The following CCDC62 variants were observed in gnomAD, a reference collection of about 807,000 sequenced individuals.
CCDC62 encodes the protein coiled-coil domain-containing protein 62.
A neutral mutation model predicts 80.8 loss-of-function variants in CCDC62; 72 were observed. The observed-to-expected ratio is 0.89, with a 90% CI of 0.74 to 1.08. The LOEUF (loss-of-function observed/expected upper bound fraction) is 1.08. Ranked by LOEUF, CCDC62 falls within the 50% of genes least tolerant of loss-of-function variation. The pLI, the probability that CCDC62 is intolerant of heterozygous loss-of-function variation, is 0.00. For missense variants in CCDC62, 704 were observed against 809.4 expected (o/e 0.87, Z 1.58); for synonymous variants, 286 against 296.5 (o/e 0.96, Z 0.36).
intron 6 of CCDC62, among the ~76,000 whole-genome samples, chr12:122,795,599 AT>A (rs756854756): frequency 3.6e-4 from 55 of 151,656 alleles, no homozygotes; most frequent in Non-Finnish European, 4.7e-4. Context: ...AATTTTTTGT[AT>A]TTTTTAGTAG....
chr12:122,787,968 G>A (rs1261627032), intron 4 of CCDC62, among the ~76,000 whole-genome samples: 1 of 152,078 alleles, frequency 6.6e-6, no homozygotes, highest in Admixed American at 6.6e-5. Context: ...CTACTGACCT[G>A]GTCACAAAGT....
intron 8 of CCDC62, among the ~76,000 whole-genome samples, chr12:122,799,084 A>G (rs1046960707): frequency 1.3e-5 from 2 of 152,284 alleles, no homozygotes; most frequent in East Asian, 3.9e-4. Flanking sequence ...CGTATGAAAA[A>G]TAAATAAATA....
chr12:122,777,610 G>A lies in CCDC62; in HGVS notation c.156G>A (p.Gln52=), dbSNP rs762172659. ...KELNDMVAVH[Q]QQLLSWEEDR... ...TCAATGACATGGTTGCAGTGCACCA[G>A]CAACAGCTTCTTTCATGGGAAGAGG... Residue 52 remains glutamine, a synonymous_variant, in exon 2 of 13, where the codon CAG becomes CAA. Transcript: ENST00000253079. The A allele has an allele frequency of 2.4e-5, 39 of 1,614,176 alleles. No individual in the cohort carries two copies. The East Asian group carries it at 6.5e-4, about 27-fold the overall frequency.
At chr12:122,825,647 C>T (rs1412261737) in intron 12 of CCDC62, among the ~76,000 whole-genome samples, 5 of 150,078 alleles carry the variant, frequency 3.3e-5, no homozygotes, top group East Asian at 2.0e-4. Flanking sequence ...TGGCCCCCCA[C>T]GCCTAGCCAA....
At position 122,797,307 on chromosome 12, in the gene CCDC62, T is replaced by TAG; in HGVS notation, c.781_782dup (p.Lys264GlyfsTer23). The TAG allele has an allele frequency of 1.3e-6, 2 of 1,484,148 alleles. No homozygotes were observed. Among genetic ancestry groups the TAG allele is most frequent in the Non-Finnish European group, 1.9e-6 (2 of 1,062,352 alleles). The allele number at this position is 1,484,148 out of a possible 1,614,324, so 91.9% of individuals were successfully genotyped here. A position where few individuals can be genotyped will look rare whatever the true frequency, so the allele number is the denominator to read the frequency against. ...GTTAATAATACTTGTTCTTAAATAG[T>TAG]AGAGAGAGAAAAGAGGAAAGATGAA... On this transcript the variant is annotated frameshift_variant and splice_region_variant, in exon 7 of 13. Transcript: ENST00000253079. LOFTEE classifies it high-confidence loss of function.
intron 11 of CCDC62, among the ~76,000 whole-genome samples, chr12:122,818,452 CAAA>C (rs138729013): frequency 2.6e-4 from 16 of 61,976 alleles, no homozygotes; most frequent in African/African-American, 3.6e-4. Context: ...GACTCTGTCT[CAAA>C]AAAAAAAAAA....
chr12:122,820,595 G>A (rs925075474), intron 11 of CCDC62, among the ~76,000 whole-genome samples: 1 of 152,126 alleles, frequency 6.6e-6, no homozygotes, highest in Admixed American at 6.6e-5. Context: ...TGTAATCCCA[G>A]CACTTTGGGA....
At chr12:122,783,428 G>A (rs965825888) in intron 3 of CCDC62, among the ~76,000 whole-genome samples, 10 of 151,654 alleles carry the variant, frequency 6.6e-5, no homozygotes, top group African/African-American at 7.3e-5. Context: ...GGGTTTCACC[G>A]TGTTAGCCAG....
chr12:122,826,595 G>A lies in CCDC62; in HGVS notation c.*214G>A. Reference sequence around the variant, plus strand: ...CTTCATTTTCAAGTTAACCATTTTTGTGCTGAAGAAATATTTTCATGTGTA... The same window carrying A: ...CTTCATTTTCAAGTTAACCATTTTTATGCTGAAGAAATATTTTCATGTGTA... On this transcript the variant is annotated 3_prime_UTR_variant, in exon 13 of 13. Coordinates refer to ENST00000253079, the MANE Select transcript of CCDC62 (RefSeq NM_201435.5). 1 of 586,140 alleles carries A rather than the reference G, an allele frequency of 1.7e-6. No individual in the cohort carries two copies. Among genetic ancestry groups the A allele is most frequent in the Non-Finnish European group, 3.1e-6 (1 of 326,740 alleles). 36.3% of individuals were successfully genotyped at this position (586,140 alleles called of 1,614,324 possible). A position where few individuals can be genotyped will look rare whatever the true frequency, so the allele number is the denominator to read the frequency against.
rs1484242431 is a variant in CCDC62, at chr12:122,813,862, G to T, written c.2001+443G>T. Among the ~76,000 whole-genome samples, 4 of 151,886 alleles carry T rather than the reference G, an allele frequency of 2.6e-5. No homozygotes were observed. The East Asian group carries it at 7.8e-4, about 30-fold the overall frequency. Reference sequence around the variant, plus strand: ...AGTAGAGACAGGGTTTCACCATGTTGGCCAGGCTGGTCTCAAACTCCTGAT... The same window carrying T: ...AGTAGAGACAGGGTTTCACCATGTTTGCCAGGCTGGTCTCAAACTCCTGAT... On this transcript the variant is annotated intron_variant, in intron 11 of 12. Coordinates refer to ENST00000253079, the MANE Select transcript of CCDC62 (RefSeq NM_201435.5).
chr12:122,780,185 C>T (rs942424072), intron 2 of CCDC62, among the ~76,000 whole-genome samples: 33 of 151,052 alleles, frequency 2.2e-4, no homozygotes, highest in African/African-American at 8.0e-4. Context: ...GTGGTGCTCG[C>T]CCGTAATCCC....
chr12:122,782,161 C>T (rs1411551644), intron 3 of CCDC62, among the ~76,000 whole-genome samples: 1 of 152,106 alleles, frequency 6.6e-6, no homozygotes, highest in African/African-American at 2.4e-5. Flanking sequence ...ATAGTGAGAC[C>T]TCATCTCAAC....
At chr12:122,804,678 A>T (rs1374676223) in intron 9 of CCDC62, among the ~76,000 whole-genome samples, 1 of 152,086 alleles carries the variant, frequency 6.6e-6, no homozygotes, top group African/African-American at 2.4e-5. Flanking sequence ...TCACAAACTG[A>T]AAACCTAAAA....
intron 8 of CCDC62, among the ~76,000 whole-genome samples, chr12:122,798,864 G>A (rs975696228): frequency 4.6e-5 from 7 of 152,040 alleles, no homozygotes; most frequent in Non-Finnish European, 1.0e-4. Flanking sequence ...TGGATCACGA[G>A]GTCAGGAGAT....
intron 10 of CCDC62, among the ~76,000 whole-genome samples, chr12:122,808,385 G>A (rs2135572250): frequency 6.6e-6 from 1 of 152,246 alleles, no homozygotes; most frequent in South Asian, 2.1e-4. Context: ...GTGGACATTT[G>A]GGTTGTTTCT....
At position 122,788,948 on chromosome 12, in the gene CCDC62, T is replaced by TTTGTATC; in HGVS notation, c.670+21_670+22insGTATCTT. The stretch of plus-strand genomic sequence containing the variant: ...CTAAAAGGTAAGGAAGAGACCTACA[T>TTTGTATC]TTAAGATACAAATGTATTATCTTGG... On this transcript the variant is annotated intron_variant, in intron 5 of 12. Transcript: ENST00000253079. 2.6e-6 allele frequency: 4 copies of TTTGTATC among 1,546,682 alleles called. No homozygotes were observed. The highest frequency in any genetic ancestry group is 3.5e-6 in the Non-Finnish European group (4 of 1,145,082).
intron 1 of CCDC62, 54 bp downstream of exon 1, chr12:122,774,760 C>A: frequency 1.7e-6 from 2 of 1,196,690 alleles, no homozygotes; most frequent in South Asian, 8.5e-5. Context: ...GCACATTGGT[C>A]GAAATCTATT....
Position 122,826,571 on chromosome 12 carries a change from T to C in CCDC62, c.*190T>C. 3.1e-6 allele frequency: 2 copies of C among 648,386 alleles called. No individual in the cohort carries two copies. The highest frequency in any genetic ancestry group is 3.7e-5 in the South Asian group (2 of 53,808). 40.2% of individuals were successfully genotyped at this position (648,386 alleles called of 1,614,324 possible). On this transcript the variant is annotated 3_prime_UTR_variant, in exon 13 of 13. Coordinates refer to ENST00000253079, the MANE Select transcript of CCDC62 (RefSeq NM_201435.5). ...AAAGTTAATTTTTAAACATCTACAC[T>C]TCATTTTCAAGTTAACCATTTTTGT...
chr12:122,813,228 T>G (rs774150096), intron 10 of CCDC62, 42 bp from the exon 11 acceptor site: 1 of 1,552,532 alleles, frequency 6.4e-7, no homozygotes, highest in Admixed American at 2.0e-5. Context: ...CATTTGTGTT[T>G]GTAAACCTAA....
Sources: allele counts gnomAD v4.1 joint callset (sites outside exome capture counted in the v4.1 genomes callset), GRCh38; gene constraint gnomAD v4.1.1; transcripts MANE v1.5; gene names NCBI Gene and HGNC (gene_info 2026-07-23, HGNC 2026-07-21).